Variants in HGS observed in about 807,000 individuals in gnomAD.
HGS encodes the protein human growth factor-regulated tyrosine kinase substrate.
Under a neutral mutation model 109.7 loss-of-function variants are expected in HGS, and 63 were observed. That is an observed-to-expected ratio of 0.57 (90% CI 0.47 to 0.71). HGS has a LOEUF of 0.71. Ranked by LOEUF, HGS falls within the 30% of genes least tolerant of loss-of-function variation. The pLI, the probability that HGS is intolerant of heterozygous loss-of-function variation, is 0.00. For missense variants in HGS, 995 were observed against 1,068.3 expected (o/e 0.93, Z 0.96); for synonymous variants, 546 against 437.3 (o/e 1.25, Z -3.10).
Position 81,691,232 on chromosome 17 carries a change from C to A in HGS, c.538-215C>A. ...TTCCTTGCCCTTACTTTTAACTTAC[C>A]TTATTTTCCCCAAAACGGTGGCTGG... On this transcript the variant is annotated intron_variant, in intron 7 of 21. Coordinates refer to ENST00000329138, the MANE Select transcript of HGS (RefSeq NM_004712.5). This position sits in a 1 kb window ranked among gnomAD's most constrained non-coding sequence, Gnocchi z 5.3. The A allele has an allele frequency of 1.7e-6, 1 of 575,682 alleles. No homozygotes were observed. Among genetic ancestry groups the A allele is most frequent in the Non-Finnish European group, 3.1e-6 (1 of 322,578 alleles). The allele number at this position is 575,682 out of a possible 1,614,324, so 35.7% of individuals were successfully genotyped here. A position where few individuals can be genotyped will look rare whatever the true frequency, so the allele number is the denominator to read the frequency against.
intron 4 of HGS, among the ~76,000 whole-genome samples, chr17:81,687,971 C>T (rs1450610657): frequency 6.6e-6 from 1 of 152,200 alleles, no homozygotes; most frequent in Non-Finnish European, 1.5e-5. Context: ...CCCTGGTGCT[C>T]CTGAGCTCCT....
chr17:81,700,855 G>C (rs200706833), intron 20 of HGS, 41 bp downstream of exon 20: 2 of 1,592,558 alleles, frequency 1.3e-6, no homozygotes, highest in East Asian at 2.2e-5. Flanking sequence ...CAGGGTGGGG[G>C]AGCAGTTGAT....
chr17:81,700,633 G>GCCAGCC lies in HGS; in HGVS notation c.2017-35_2017-30dup, dbSNP rs142478779. On this transcript the variant is annotated intron_variant, in intron 19 of 21. Transcript: ENST00000329138. ...GGAAGGCCGCTCCTCTCCTTCCAGG[G>GCCAGCC]CCAGCCCCAGCCCCAGCCCCAGCCC... is the stretch of plus-strand genomic sequence containing the variant. The GCCAGCC allele has an allele frequency of 9.8e-4, 1,547 of 1,577,900 alleles. 10 individuals carry two copies. In the African/African-American group the frequency reaches 9.9e-3, roughly 10 times the overall value.
In HGS at chr17:81,701,669, CGCCTCGTCTCTAACT is replaced by C. The variant is rs1568221250; in HGVS notation, c.*55_*69del. ...AACACTACATACAGTTCACCTGAAA[CGCCTCGTCTCTAACT>C]GCCGTCGTCCTGCCTCCCTGTCCTC... On this transcript the variant is annotated 3_prime_UTR_variant, in exon 22 of 22. Coordinates refer to ENST00000329138, the MANE Select transcript of HGS (RefSeq NM_004712.5). 6.6e-7 allele frequency: 1 copy of C among 1,511,046 alleles called. No individual in the cohort carries two copies. The highest frequency in any genetic ancestry group is 1.2e-5 in the South Asian group (1 of 83,120). 93.6% of individuals were successfully genotyped at this position (1,511,046 alleles called of 1,614,324 possible).
At chr17:81,693,835 G>A in intron 10 of HGS, 35 bp from the exon 11 acceptor site, 1 of 1,575,504 alleles carries the variant, frequency 6.3e-7, no homozygotes. Context: ...GGCGTCACGT[G>A]CACCCAAGTG....
chr17:81,693,816 G>C, intron 10 of HGS, 54 bp from the exon 11 acceptor site: 1 of 1,557,862 alleles, frequency 6.4e-7, no homozygotes, highest in Non-Finnish European at 8.7e-7. Flanking sequence ...GCTGCGGTGG[G>C]GCCGGAGGGG....
At chr17:81,690,549 G>A in intron 6 of HGS, 125 bp from the exon 7 acceptor site, 1 of 910,654 alleles carries the variant, frequency 1.1e-6, no homozygotes, top group Non-Finnish European at 1.6e-6. Flanking sequence ...GCCGCCCGGG[G>A]CATTGCTCTC....
Position 81,701,540 on chromosome 17 carries a change from G to T in HGS, c.2256G>T (p.Gln752His). 1 of 1,564,580 alleles carries T rather than the reference G, an allele frequency of 6.4e-7. No individual in the cohort carries two copies. The highest frequency in any genetic ancestry group is 1.8e-5 in the Admixed American group (1 of 56,046). Residue 752 changes from glutamine to histidine, a missense_variant, in exon 22 of 22, where the codon CAG becomes CAT. Around this residue, in one of 6 missense-constraint regions of HGS, gnomAD observed 326 missense variants for 309.7 expected, o/e 1.05. Transcript: ENST00000329138. ...CCTCTGGCGGTCCCCCCCAGCAGCAGCCCCCCGTGGCCCAGCAACCGCAGG... is the reference window on the plus strand; with the variant it reads ...CCTCTGGCGGTCCCCCCCAGCAGCATCCCCCCGTGGCCCAGCAACCGCAGG... ...MAPSGGPPQQ[Q>H]PPVAQQPQAQ...
chr17:81,686,394 A>C lies in HGS; in HGVS notation c.198+7A>C. 6.2e-7 allele frequency: 1 copy of C among 1,612,306 alleles called. No individual in the cohort carries two copies. The highest frequency in any genetic ancestry group is 8.5e-7 in the Non-Finnish European group (1 of 1,178,808). On this transcript the variant is annotated splice_region_variant and intron_variant, in intron 3 of 21. Coordinates refer to ENST00000329138, the MANE Select transcript of HGS (RefSeq NM_004712.5). ...CGCCTTGTATGCCCTGGAGGTAAGC[A>C]GACCCCCGTGCCTCAGTGGCCCCCA...
intron 14 of HGS, 31 bp from the exon 15 acceptor site, chr17:81,695,755 G>A (rs200003525): frequency 3.4e-5 from 54 of 1,606,250 alleles, no homozygotes; most frequent in East Asian, 1.1e-4. Context: ...GGGCGTGGCC[G>A]CACTCATCCA....
rs761348065 is a variant in HGS at position 81,700,690 on chromosome 17, C to T, written c.2017-5C>T. 34 of 1,602,852 alleles carry T rather than the reference C, an allele frequency of 2.1e-5. No homozygotes were observed. Among genetic ancestry groups the T allele is most frequent in the Admixed American group, 5.0e-5 (3 of 59,570 alleles). On this transcript the variant is annotated splice_region_variant and splice_polypyrimidine_tract_variant and intron_variant, in intron 19 of 21. Coordinates refer to ENST00000329138, the MANE Select transcript of HGS (RefSeq NM_004712.5). ...CTTCTCCCATGGCACTCATTCCCTCCGCAGAACGTGGCCTCCCAGGCCCCA... is the reference window on the plus strand; with the variant it reads ...CTTCTCCCATGGCACTCATTCCCTCTGCAGAACGTGGCCTCCCAGGCCCCA...
At chr17:81,700,641 C>T (rs754883645) in intron 19 of HGS, 41 bp downstream of exon 19, 2 of 1,566,550 alleles carry the variant, frequency 1.3e-6, no homozygotes, top group Admixed American at 1.8e-5. Context: ...GGGCCAGCCC[C>T]AGCCCCAGCC....
At chr17:81,688,878 A>G (rs566391189) in intron 5 of HGS, 51 bp downstream of exon 5, 1 of 1,611,508 alleles carries the variant, frequency 6.2e-7, no homozygotes, top group Non-Finnish European at 8.5e-7. Flanking sequence ...ACTGCTGGGC[A>G]GTCAGGCTCA....
At chr17:81,697,054 C>T (rs761684228) in intron 18 of HGS, 56 bp downstream of exon 18, 28 of 1,478,090 alleles carry the variant, frequency 1.9e-5, no homozygotes, top group African/African-American at 7.0e-5. Context: ...TTATTTTAGC[C>T]GAATTTACAG....
rs918743846 is a variant in HGS at position 81,693,562 on chromosome 17, C to T, written c.722C>T (p.Pro241Leu). Reference sequence around the variant, plus strand: ...CTGCCCCCCGAGTACCTGACCAGCCCCCTGTCTCAGCAGTCCCAGGTACTC... The same window carrying T: ...CTGCCCCCCGAGTACCTGACCAGCCTCCTGTCTCAGCAGTCCCAGGTACTC... The part of the protein sequence containing the change: ...TELPPEYLTS[P>L]LSQQSQLPPK... The change falls in exon 9 of 22, where the codon CCC (proline) becomes CTC (leucine). Residue 241 changes from proline to leucine, a missense_variant. Transcript: ENST00000329138. The T allele has an allele frequency of 3.7e-6, 6 of 1,612,196 alleles. No homozygotes were observed. In the African/African-American group the frequency reaches 4.0e-5, roughly 11 times the overall value.
chr17:81,697,272 G>T (rs1444695067), intron 18 of HGS: 2 of 367,674 alleles, frequency 5.4e-6, no homozygotes, highest in Admixed American at 4.2e-5. Context: ...GCCGATCCTC[G>T]TCTGTAGCAG....
intron 6 of HGS, 118 bp from the exon 7 acceptor site, chr17:81,690,556 T>C: frequency 9.9e-7 from 1 of 1,014,328 alleles, no homozygotes; most frequent in Non-Finnish European, 1.4e-6. Context: ...GGGGCATTGC[T>C]CTCGCTCGTG....
intron 3 of HGS, 47 bp from the exon 4 acceptor site, chr17:81,686,956 C>A: frequency 6.6e-7 from 1 of 1,511,154 alleles, no homozygotes; most frequent in East Asian, 2.3e-5. Context: ...GAGGAGGGGC[C>A]CTGCCCTGAC....
chr17:81,690,215 C>T lies in HGS; in HGVS notation c.449C>T (p.Ala150Val). ...TTTCCAGAATTCAAAGAGAGCGATG[C>T]CATGTTTGCTGCCGAGAGAGTGAGT... ...HVFPEFKESDAMFAAERAPDW... is the reference protein window; with the variant it reads ...HVFPEFKESDVMFAAERAPDW... The change falls in exon 6 of 22, where the codon GCC becomes GTC. Residue 150 changes from alanine (A) to valine (V), a missense_variant. Ala to Val is a moderately conservative substitution (Grantham distance 64). Around this residue, in one of 6 missense-constraint regions of HGS, gnomAD observed 182 missense variants for 261.3 expected, o/e 0.70. Transcript: ENST00000329138. 1 of 1,613,856 alleles carries T rather than the reference C, an allele frequency of 6.2e-7. No homozygotes were observed. The highest frequency in any genetic ancestry group is 8.5e-7 in the Non-Finnish European group (1 of 1,179,840).
Sources: gnomAD v4.1 joint callset for allele counts (sites outside exome capture counted in the v4.1 genomes callset) on GRCh38, gnomAD v4.1.1 for gene constraint, gnomAD v4.1.1 regional missense constraint, Gnocchi (gnomAD v3.1) non-coding constraint, MANE v1.5 for transcripts, NCBI Gene and HGNC (gene_info 2026-07-23, HGNC 2026-07-21) for gene names.